Variants in MGRN1 observed in about 807,000 individuals in gnomAD.
The protein encoded by MGRN1 is mahogunin ring finger 1, also known as E3 ubiquitin-protein ligase MGRN1.
A neutral mutation model predicts 69.2 loss-of-function variants in MGRN1; 29 were observed. That is an observed-to-expected ratio of 0.42 (90% CI 0.31 to 0.57). MGRN1 has a LOEUF of 0.57. Ranked by LOEUF, MGRN1 falls within the 20% of genes least tolerant of loss-of-function variation. The probability of loss-of-function intolerance (pLI) is 0.15; values close to 1 mark genes in which losing one functional copy is unlikely to be tolerated. For synonymous variants in MGRN1, 470 were observed against 344.2 expected, an observed-to-expected ratio of 1.37 and a Z score of -4.04; for missense variants, 998 against 796.2, an observed-to-expected ratio of 1.25 and a Z score of -3.05.
Position 4,671,421 on chromosome 16 carries a change from A to T in MGRN1, c.757A>T (p.Ile253Phe). ...VDRVSYLLQE[I>F]YGIENKNNQE... The stretch of plus-strand genomic sequence containing the variant: ...CCGGGTCAGCTACCTCCTGCAGGAG[A>T]TCTATGGCATTGAGAACAAGAACAA... Residue 253 changes from isoleucine to phenylalanine, a missense_variant, in exon 9 of 17, where the codon ATC becomes TTC. Ile to Phe is a conservative substitution (Grantham distance 21). Coordinates refer to ENST00000262370, the MANE Select transcript of MGRN1 (RefSeq NM_015246.4). 1.2e-6 allele frequency: 2 copies of T among 1,613,952 alleles called. No homozygotes were observed. Among genetic ancestry groups the T allele is most frequent in the Non-Finnish European group, 1.7e-6 (2 of 1,179,944 alleles).
intron 4 of MGRN1, among the ~76,000 whole-genome samples, chr16:4,656,064 G>A (rs377639969): frequency 4.6e-4 from 70 of 152,362 alleles, no homozygotes; most frequent in Admixed American, 1.6e-3. Context: ...AGCTTGGTGT[G>A]CCTTTGTCCA....
At chr16:4,664,924 C>A in intron 6 of MGRN1, 149 bp downstream of exon 6, 1 of 1,247,672 alleles carries the variant, frequency 8.0e-7, no homozygotes, top group Non-Finnish European at 1.2e-6. Context: ...AGCTTGGAGT[C>A]CCGGGCAGGT....
intron 16 of MGRN1, chr16:4,686,777 C>T (rs895713719): frequency 5.0e-6 from 5 of 992,180 alleles, no homozygotes; most frequent in African/African-American, 3.5e-5. Flanking sequence ...GAGTTCGCAT[C>T]GGTCCTGCAG....
rs143575469 is a variant in MGRN1, at chr16:4,641,327, T to C, written c.89-9038T>C. 3.8e-4 allele frequency among the ~76,000 whole-genome samples: 58 copies of C among 151,880 alleles called. 1 individual carries two copies. The highest frequency in any genetic ancestry group is 2.0e-3 in the Admixed American group (30 of 15,290). ...TTTCTTCTCCATGTGTGGATACCCA[T>C]GTGTGAGCAATAGGATTTTTTTTTT... On this transcript the variant is annotated intron_variant, in intron 1 of 16. Transcript: ENST00000262370.
At chr16:4,688,473 A>T in intron 16 of MGRN1, 2 of 1,127,202 alleles carry the variant, frequency 1.8e-6, no homozygotes, top group Non-Finnish European at 2.2e-6. Context: ...ATCCCAGGAA[A>T]CCGGAACCAG....
chr16:4,667,780 G>A (rs186460613), intron 7 of MGRN1, among the ~76,000 whole-genome samples: 8 of 152,340 alleles, frequency 5.3e-5, no homozygotes, highest in Admixed American at 2.0e-4. Context: ...TCGTTCCTGC[G>A]TTTTTAGAGC....
intron 1 of MGRN1, among the ~76,000 whole-genome samples, chr16:4,642,691 G>A (rs13336572): frequency 6.6e-6 from 1 of 151,216 alleles, no homozygotes; most frequent in Non-Finnish European, 1.5e-5. Context: ...AACTCCTGAC[G>A]GCAGACCTCA....
At chr16:4,628,603 G>A (rs1386979549) in intron 1 of MGRN1, among the ~76,000 whole-genome samples, 1 of 152,068 alleles carries the variant, frequency 6.6e-6, no homozygotes, top group Admixed American at 6.6e-5. Context: ...GCAATGCAGT[G>A]GCATGATCTC....
intron 1 of MGRN1, among the ~76,000 whole-genome samples, chr16:4,632,439 G>A (rs1898057941): frequency 6.6e-6 from 1 of 151,910 alleles, no homozygotes; most frequent in African/African-American, 2.4e-5. Flanking sequence ...TGTCGCCCAG[G>A]CTGGAGTGCA....
At chr16:4,685,489 G>T (rs762085488) in intron 16 of MGRN1, among the ~76,000 whole-genome samples, 6 of 152,220 alleles carry the variant, frequency 3.9e-5, no homozygotes, top group Non-Finnish European at 7.3e-5. Context: ...AGGAGAGGCC[G>T]AGTCTACATC....
chr16:4,650,619 G>T, intron 2 of MGRN1, 136 bp downstream of exon 2: 5 of 693,558 alleles, frequency 7.2e-6, no homozygotes, highest in Non-Finnish European at 1.2e-5. Context: ...CAGGATTCCA[G>T]TTGAGCTTGG....
chr16:4,627,516 G>A (rs570724538), intron 1 of MGRN1, among the ~76,000 whole-genome samples: 50 of 152,362 alleles, frequency 3.3e-4, no homozygotes, highest in South Asian at 1.0e-3. Flanking sequence ...GGCCAGGCGC[G>A]GTGGCTCACG....
intron 5 of MGRN1, among the ~76,000 whole-genome samples, chr16:4,663,072 T>C (rs2078718181): frequency 6.6e-6 from 1 of 152,210 alleles, no homozygotes; most frequent in Non-Finnish European, 1.5e-5. Context: ...CATATTTTGT[T>C]TTTGTTTTTG....
intron 2 of MGRN1, among the ~76,000 whole-genome samples, chr16:4,651,441 G>A (rs1283276583): frequency 3.3e-5 from 5 of 152,214 alleles, no homozygotes; most frequent in Non-Finnish European, 7.3e-5. Flanking sequence ...GCTGAACCAA[G>A]CCATGATAGG....
Position 4,665,118 on chromosome 16 carries a change from C to A in MGRN1, c.645C>A (p.Gly215=), listed in dbSNP as rs1318664921. Residue 215 remains glycine (G), a synonymous_variant, in exon 7 of 17, where the codon GGC becomes GGA. Coordinates refer to ENST00000262370, the MANE Select transcript of MGRN1 (RefSeq NM_015246.4). ...CCCCAGCAGTGGTGGAAGTGACTGG[C>A]CACGCCCACGTGCTCTTGGCTGCCT... The part of the protein sequence containing the change: ...VDEGDVVEVT[G]HAHVLLAAFE... The A allele has an allele frequency of 6.2e-7, 1 of 1,614,224 alleles. No individual in the cohort carries two copies. The highest frequency in any genetic ancestry group is 1.1e-5 in the South Asian group (1 of 91,090).
At chr16:4,679,868 C>T (rs922981397) in intron 11 of MGRN1, among the ~76,000 whole-genome samples, 164 bp from the exon 12 acceptor site, 2 of 152,190 alleles carry the variant, frequency 1.3e-5, no homozygotes, top group African/African-American at 4.8e-5. Context: ...CACCCAGACC[C>T]GAGTCAACCC....
rs1157518931 is a variant in MGRN1, at chr16:4,657,738, CTTTTTTTTTTTTTTTT to C, written c.561+387_561+402del. Among the ~76,000 whole-genome samples, 184 of 77,052 alleles carry C rather than the reference CTTTTTTTTTTTTTTTT, an allele frequency of 2.4e-3. 1 individual carries two copies. Among genetic ancestry groups the C allele is most frequent in the Middle Eastern group, 0.023 (2 of 86 alleles). The allele number at this position is 77,052 out of a possible 152,430, so 50.5% of individuals were successfully genotyped here. A position where few individuals can be genotyped will look rare whatever the true frequency, so the allele number is the denominator to read the frequency against. On this transcript the variant is annotated intron_variant, in intron 5 of 16. Transcript: ENST00000262370. ...TGTTTAAAATCTTGGTGCAGACATCCTTTTTTTTTTTTTTTTTTTTTTTTTTTGAGACAGTCTCGCT... is the reference window on the plus strand; with the variant it reads ...TGTTTAAAATCTTGGTGCAGACATCCTTTTTTTTTTTGAGACAGTCTCGCT...
At chr16:4,668,667 CACAT>C (rs1429461192) in intron 8 of MGRN1, among the ~76,000 whole-genome samples, 1 of 151,402 alleles carries the variant, frequency 6.6e-6, no homozygotes, top group Non-Finnish European at 1.5e-5. Context: ...CTCAGTCACA[CACAT>C]ATACATAGAC....
At chr16:4,650,576 C>G (rs2078383253) in intron 2 of MGRN1, 93 bp downstream of exon 2, 2 of 983,812 alleles carry the variant, frequency 2.0e-6, no homozygotes, top group South Asian at 1.6e-5. Flanking sequence ...CAAGCAGGCA[C>G]CAAATCACCC....
Sources: gnomAD v4.1 joint callset for allele counts (sites outside exome capture counted in the v4.1 genomes callset) on GRCh38, gnomAD v4.1.1 for gene constraint, MANE v1.5 for transcripts, NCBI Gene and HGNC (gene_info 2026-07-23, HGNC 2026-07-21) for gene names.